Variants in RTN3 observed in about 807,000 individuals in gnomAD.
The protein encoded by RTN3 is reticulon 3, also known as reticulon-3.
RTN3 carries 49 observed loss-of-function variants against 77.8 expected under a neutral mutation model. The ratio of observed to expected loss-of-function variants is 0.63; its 90% CI spans 0.50 to 0.80. RTN3 has a LOEUF of 0.80. Among genes scored for constraint, RTN3 ranks in the 30% least tolerant of loss-of-function variants. The pLI is 0.00. For synonymous variants in RTN3, 464 were observed against 446.9 expected, an observed-to-expected ratio of 1.04 and a Z score of -0.48; for missense variants, 1,236 against 1,211.9, an observed-to-expected ratio of 1.02 and a Z score of -0.29.
Position 63,759,878 on chromosome 11 carries a change from A to AAAC in RTN3, c.*1679_*1680insCAA, listed in dbSNP as rs1554964896. The AAAC allele has an allele frequency of 2.0e-5, 3 of 152,382 alleles. No homozygotes were observed. The highest frequency in any genetic ancestry group is 7.2e-5 in the African/African-American group (3 of 41,384). The allele number at this position is 152,382 out of a possible 1,614,324, so 9.4% of individuals were successfully genotyped here. ...TTGATGTGGTATTAATAAAAAAAAA[A>AAAC]AAAACACAAACAATGACTGTGGCAT... On this transcript the variant is annotated 3_prime_UTR_variant, in exon 9 of 9. Coordinates refer to ENST00000377819, the MANE Select transcript of RTN3 (RefSeq NM_001265589.2).
At chr11:63,690,056 A>C (rs373241848) in intron 1 of RTN3, among the ~76,000 whole-genome samples, 1 of 151,642 alleles carries the variant, frequency 6.6e-6, no homozygotes, top group Non-Finnish European at 1.5e-5. Context: ...CACCACACCC[A>C]GTCTCAAAGA....
chr11:63,759,154 T>G lies in RTN3; in HGVS notation c.*953T>G, dbSNP rs371205618. ...GAGTTTTTGTGATCCTATCTCAGTC[T>G]GGGGGGGAACATTCTCAAGAGGTGA... On this transcript the variant is annotated 3_prime_UTR_variant, in exon 9 of 9. Coordinates refer to ENST00000377819, the MANE Select transcript of RTN3 (RefSeq NM_001265589.2). The G allele has an allele frequency of 6.6e-6, 1 of 152,188 alleles. No homozygotes were observed. Among genetic ancestry groups the G allele is most frequent in the Admixed American group, 6.5e-5 (1 of 15,274 alleles). The allele number at this position is 152,188 out of a possible 1,614,324, so 9.4% of individuals were successfully genotyped here.
chr11:63,723,398 C>G (rs1179496067), intron 3 of RTN3, among the ~76,000 whole-genome samples: 1 of 149,360 alleles, frequency 6.7e-6, no homozygotes, highest in Non-Finnish European at 1.5e-5. Flanking sequence ...GCATCAGTGT[C>G]TAGTTTTATT....
Position 63,719,364 on chromosome 11 carries a change from T to C in RTN3, c.862T>C (p.Ser288Pro). 1 of 1,614,194 alleles carries C rather than the reference T, an allele frequency of 6.2e-7. No homozygotes were observed. The highest frequency in any genetic ancestry group is 2.2e-5 in the East Asian group (1 of 44,876). The change falls in exon 3 of 9, where the codon TCA becomes CCA. Residue 288 changes from serine (S) to proline (P), a missense_variant. This residue lies in a region of RTN3 where 1,056 missense variants were observed against 990.4 expected (regional missense o/e 1.07). Coordinates refer to ENST00000377819, the MANE Select transcript of RTN3 (RefSeq NM_001265589.2). ...TGATAAAGAATCATCCGAAGACATT[T>C]CAGAGACTAATGACAAGCTTTTTCC... ...HTDKESSEDI[S>P]ETNDKLFPLR...
intron 1 of RTN3, among the ~76,000 whole-genome samples, chr11:63,691,679 C>A (rs1941667558): frequency 6.6e-6 from 1 of 152,096 alleles, no homozygotes; most frequent in Non-Finnish European, 1.5e-5. Flanking sequence ...CCTTTCTGTC[C>A]CTCATAGAAG....
chr11:63,724,013 G>T (rs558313087), intron 3 of RTN3, among the ~76,000 whole-genome samples: 1 of 152,182 alleles, frequency 6.6e-6, no homozygotes, highest in South Asian at 2.1e-4. Flanking sequence ...CTAGTGTAGT[G>T]AAGATAGTTT....
intron 3 of RTN3, among the ~76,000 whole-genome samples, chr11:63,741,575 C>T (rs2013481823): frequency 6.6e-6 from 1 of 151,592 alleles, no homozygotes; most frequent in Non-Finnish European, 1.5e-5. Flanking sequence ...TCTTGGCTCA[C>T]TGCAACCTCT....
At chr11:63,702,473 C>G (rs1419478168) in intron 1 of RTN3, among the ~76,000 whole-genome samples, 1 of 151,274 alleles carries the variant, frequency 6.6e-6, no homozygotes, top group Non-Finnish European at 1.5e-5. Flanking sequence ...TGCCACCACG[C>G]CTGGCTAATT....
intron 3 of RTN3, among the ~76,000 whole-genome samples, chr11:63,742,271 G>A (rs1229953129): frequency 6.6e-6 from 1 of 151,294 alleles, no homozygotes; most frequent in East Asian, 2.0e-4. Context: ...GAGCCACCGC[G>A]CCTTGCCTGG....
intron 1 of RTN3, among the ~76,000 whole-genome samples, chr11:63,688,380 G>T (rs991471983): frequency 6.6e-6 from 1 of 152,004 alleles, no homozygotes; most frequent in Admixed American, 6.6e-5. Flanking sequence ...CCACCACCAC[G>T]CCTGGCTAAT....
rs760544025 is a variant in RTN3 at position 63,681,753 on chromosome 11, G to A, written c.117G>A (p.Thr39=). Residue 39 remains threonine, a synonymous_variant, in exon 1 of 9, where the codon ACG becomes ACA. Transcript: ENST00000377819. Reference sequence around the variant, plus strand: ...CAGGAGCCTGCCCCGCCCTGGGGACGAAGAGCTGCAGCTCCTCCTGTGCGG... The same window carrying A: ...CAGGAGCCTGCCCCGCCCTGGGGACAAAGAGCTGCAGCTCCTCCTGTGCGG... ...GSPGACPALG[T]KSCSSSCADS... is the part of the protein sequence containing the mutation. 5.0e-6 allele frequency: 8 copies of A among 1,602,838 alleles called. No homozygotes were observed. The highest frequency in any genetic ancestry group is 1.7e-5 in the Admixed American group (1 of 58,474).
chr11:63,718,099 A>G (rs11231570), intron 2 of RTN3, among the ~76,000 whole-genome samples: 5,341 of 152,030 alleles, frequency 0.035, 312 homozygotes, highest in African/African-American at 0.12. Flanking sequence ...TTATTTGTAC[A>G]TGGGACAGAT....
At chr11:63,698,860 A>G (rs895797114) in intron 1 of RTN3, 1 of 160,000 alleles carries the variant, frequency 6.3e-6, no homozygotes, top group African/African-American at 2.4e-5. Context: ...GTTCTCACCC[A>G]AATGTTAATT....
chr11:63,749,737 C>G (rs2013999322), intron 3 of RTN3, among the ~76,000 whole-genome samples: 3 of 152,120 alleles, frequency 2.0e-5, no homozygotes, highest in Admixed American at 2.0e-4. Context: ...ATAAGATTCT[C>G]TTAGAACCAA....
chr11:63,730,058 C>T (rs541953798), intron 3 of RTN3, among the ~76,000 whole-genome samples: 1 of 152,146 alleles, frequency 6.6e-6, no homozygotes, highest in Admixed American at 6.6e-5. Flanking sequence ...CCTCTGCCTT[C>T]CGGGTTCAAG....
intron 3 of RTN3, among the ~76,000 whole-genome samples, chr11:63,738,986 T>A (rs540281448): frequency 6.6e-6 from 1 of 152,206 alleles, no homozygotes; most frequent in African/African-American, 2.4e-5. Flanking sequence ...CGTCCTTAAA[T>A]AACAGGGACA....
intron 3 of RTN3, among the ~76,000 whole-genome samples, chr11:63,729,977 TATTTTTTGAGACAGAGTCTC>T: frequency 6.6e-6 from 1 of 152,018 alleles, no homozygotes; most frequent in Non-Finnish European, 1.5e-5. Flanking sequence ...TATTTTTATT[TATTTTTTGAGACAGAGTCTC>T]ACTCTGTCAC....
chr11:63,693,706 T>C (rs1941785636), intron 1 of RTN3, among the ~76,000 whole-genome samples: 1 of 152,226 alleles, frequency 6.6e-6, no homozygotes, highest in Non-Finnish European at 1.5e-5. Context: ...GTATCTGTAA[T>C]AGAAATATGT....
chr11:63,719,483 A>T lies in RTN3; in HGVS notation c.981A>T (p.Arg327Ser). 1 of 1,614,194 alleles carries T rather than the reference A, an allele frequency of 6.2e-7. No individual in the cohort carries two copies. Among genetic ancestry groups the T allele is most frequent in the Non-Finnish European group, 8.5e-7 (1 of 1,180,026 alleles). The change falls in exon 3 of 9, where the codon AGA (arginine) becomes AGT (serine). Residue 327 changes from arginine to serine, a missense_variant. By Grantham distance (110) the Arg-to-Ser change is moderately radical. Coordinates refer to ENST00000377819, the MANE Select transcript of RTN3 (RefSeq NM_001265589.2). ...ATGCAGCACTGGAAGAGGTGTCCAG[A>T]TGCGTGAATGATATGCATAACTTTA... is the stretch of plus-strand genomic sequence containing the variant. ...HTNAALEEVS[R>S]CVNDMHNFTN...
Sources: gnomAD v4.1 joint callset for allele counts (sites outside exome capture counted in the v4.1 genomes callset) on GRCh38, gnomAD v4.1.1 for gene constraint, gnomAD v4.1.1 regional missense constraint, MANE v1.5 for transcripts, NCBI Gene and HGNC (gene_info 2026-07-23, HGNC 2026-07-21) for gene names.